Variants in FOXN3 observed in about 807,000 individuals in gnomAD.
FOXN3 encodes forkhead box protein N3.
FOXN3 carries 7 observed loss-of-function variants against 38.4 expected under a neutral mutation model. The ratio of observed to expected loss-of-function variants is 0.18; its 90% CI spans 0.10 to 0.34. The LOEUF (loss-of-function observed/expected upper bound fraction) is 0.34. Among genes scored for constraint, FOXN3 ranks in the 10% least tolerant of loss-of-function variants. The pLI is 1.00. For missense variants in FOXN3, 456 were observed against 613.4 expected (o/e 0.74, Z 2.71); for synonymous variants, 230 against 242.2 (o/e 0.95, Z 0.47).
At chr14:89,470,043 C>G (rs1893060087) in intron 1 of FOXN3, among the ~76,000 whole-genome samples, 1 of 152,240 alleles carries the variant, frequency 6.6e-6, no homozygotes, top group African/African-American at 2.4e-5. Context: ...CCAAGCTGAT[C>G]ATCATAACAC....
chr14:89,459,193 A>G (rs964274313), intron 1 of FOXN3, among the ~76,000 whole-genome samples: 3 of 152,320 alleles, frequency 2.0e-5, no homozygotes, highest in Middle Eastern at 3.4e-3. Flanking sequence ...GAAAAAAAAC[A>G]GGGCCATTTT....
intron 1 of FOXN3, among the ~76,000 whole-genome samples, chr14:89,592,591 A>C (rs1280825622): frequency 6.6e-6 from 1 of 152,230 alleles, no homozygotes; most frequent in Non-Finnish European, 1.5e-5. Context: ...ATTGCCTTTG[A>C]AATACTGAGG....
intron 1 of FOXN3, among the ~76,000 whole-genome samples, chr14:89,521,369 A>G (rs2139821775): frequency 6.6e-6 from 1 of 152,038 alleles, no homozygotes; most frequent in East Asian, 1.9e-4. Context: ...AGAGAGAGAG[A>G]GAGAGAGAGA....
intron 4 of FOXN3, among the ~76,000 whole-genome samples, chr14:89,277,257 CAAG>C (rs1445414318): frequency 6.6e-6 from 1 of 152,208 alleles, no homozygotes; most frequent in African/African-American, 2.4e-5. Flanking sequence ...CACACAGACA[CAAG>C]AAGAAGGCAC....
intron 1 of FOXN3, among the ~76,000 whole-genome samples, chr14:89,618,075 C>T (rs1896526346): frequency 6.6e-6 from 1 of 152,134 alleles, no homozygotes; most frequent in Non-Finnish European, 1.5e-5. Context: ...CCTTTTTCCT[C>T]AATGAGCCAG....
In FOXN3 at chr14:89,457,603, T is replaced by C. The variant is rs140353072; in HGVS notation, c.-14-45113A>G. On this transcript the variant is annotated intron_variant, in intron 1 of 6. Coordinates refer to the FOXN3 transcript ENST00000345097. ...ATTTCTCCTGCTTTGTGAAAAATCATGGAAATCCATCAGCCCATCTGCAGA... is the reference window on the plus strand; with the variant it reads ...ATTTCTCCTGCTTTGTGAAAAATCACGGAAATCCATCAGCCCATCTGCAGA... 1.4e-4 allele frequency among the ~76,000 whole-genome samples: 22 copies of C among 152,310 alleles called. No individual in the cohort carries two copies. In the East Asian group the frequency reaches 2.7e-3, roughly 19 times the overall value.
chr14:89,202,702 C>A (rs1888265809), intron 4 of FOXN3, among the ~76,000 whole-genome samples: 1 of 152,134 alleles, frequency 6.6e-6, no homozygotes, highest in South Asian at 2.1e-4. Flanking sequence ...CACCTCCCTC[C>A]CTTCCCCCAT....
At chr14:89,546,329 C>CTTTTTTTTTCTTTTTTTTTTTTTTTTT (rs1894880091) in intron 1 of FOXN3, among the ~76,000 whole-genome samples, 2 of 78,312 alleles carry the variant, frequency 2.6e-5, no homozygotes, top group Non-Finnish European at 4.5e-5. Flanking sequence ...TTTCCTTTTT[C>CTTTTTTTTTCTTTTTTTTTTTTTTTTT]TTTTTTTTTT....
intron 5 of FOXN3, among the ~76,000 whole-genome samples, chr14:89,168,767 C>T (rs1414349979): frequency 2.6e-5 from 4 of 152,126 alleles, no homozygotes; most frequent in Non-Finnish European, 5.9e-5. Context: ...AAAGCCAACA[C>T]GTCCCATGCG....
chr14:89,446,054 C>G (rs1190649642), intron 1 of FOXN3, among the ~76,000 whole-genome samples: 1 of 116,134 alleles, frequency 8.6e-6, no homozygotes, highest in Admixed American at 1.3e-4. Context: ...TACCACCGCA[C>G]TCTAGCCTGG....
chr14:89,585,309 T>C (rs1895820944), intron 1 of FOXN3, among the ~76,000 whole-genome samples: 1 of 152,164 alleles, frequency 6.6e-6, no homozygotes, highest in South Asian at 2.1e-4. Context: ...AGTTTGAGAG[T>C]AATGGTTTCC....
At chr14:89,577,315 A>G (rs1895652559) in intron 1 of FOXN3, 1 of 152,198 alleles carries the variant, frequency 6.6e-6, no homozygotes, top group African/African-American at 2.4e-5. Context: ...CAATCACATA[A>G]TTTTGAAAAT....
In FOXN3 at chr14:89,555,838, GGTGTGTGTGTGTGTGTGT is replaced by G. The variant is rs201016882; in HGVS notation, c.-15+63172_-15+63189del. 3.3e-5 allele frequency among the ~76,000 whole-genome samples: 3 copies of G among 89,618 alleles called. No individual in the cohort carries two copies. The Admixed American group carries it at 4.0e-4, about 12-fold the overall frequency. 58.8% of individuals were successfully genotyped at this position (89,618 alleles called of 152,430 possible). A position where few individuals can be genotyped will look rare whatever the true frequency, so the allele number is the denominator to read the frequency against. ...TCATAAAGCTTACCTTCTAGTTCATGGTGTGTGTGTGTGTGTGTGTGTGTGTGTGTGTGTGTGTATGTG... is the reference window on the plus strand; with the variant it reads ...TCATAAAGCTTACCTTCTAGTTCATGGTGTGTGTGTGTGTGTGTGTATGTG... On this transcript the variant is annotated intron_variant, in intron 1 of 6. Transcript: ENST00000345097.
chr14:89,352,261 C>G (rs1018520827), intron 2 of FOXN3, among the ~76,000 whole-genome samples: 1 of 152,208 alleles, frequency 6.6e-6, no homozygotes, highest in Non-Finnish European at 1.5e-5. Flanking sequence ...TTCAACATTC[C>G]TACGTGTTTT....
At chr14:89,405,040 C>T (rs983874028) in intron 2 of FOXN3, among the ~76,000 whole-genome samples, 3 of 152,152 alleles carry the variant, frequency 2.0e-5, no homozygotes, top group Non-Finnish European at 4.4e-5. Context: ...GGGAAATGCT[C>T]TTGATTCTGC....
chr14:89,564,385 A>G (rs1427395120), intron 1 of FOXN3, among the ~76,000 whole-genome samples: 1 of 152,184 alleles, frequency 6.6e-6, no homozygotes, highest in Admixed American at 6.5e-5. Flanking sequence ...TCGTCTCTGA[A>G]TTCTTTCTAA....
At chr14:89,316,641 A>T (rs1239436124) in intron 3 of FOXN3, among the ~76,000 whole-genome samples, 1 of 147,192 alleles carries the variant, frequency 6.8e-6, no homozygotes, top group Non-Finnish European at 1.5e-5. Context: ...GATTACAGGC[A>T]TGAGCCACTG....
In FOXN3 at chr14:89,416,997, G is replaced by A. The variant is rs1434712219; in HGVS notation, c.-141C>T. The A allele has an allele frequency of 6.9e-6, 1 of 145,982 alleles. No homozygotes were observed. The highest frequency in any genetic ancestry group is 6.8e-5 in the Admixed American group (1 of 14,712). 9.0% of individuals were successfully genotyped at this position (145,982 alleles called of 1,614,324 possible). On this transcript the variant is annotated 5_prime_UTR_variant, in exon 1 of 6. Coordinates refer to ENST00000557258, the MANE Select transcript of FOXN3 (RefSeq NM_005197.4). Reference sequence around the variant, plus strand: ...TAAGGACGCGCGGGCGCGGCGCGGCGAGCCCGGGGCGGCGGGCGGCGGGGG... The same window carrying A: ...TAAGGACGCGCGGGCGCGGCGCGGCAAGCCCGGGGCGGCGGGCGGCGGGGG...
At chr14:89,600,754 T>TA (rs1896139082) in intron 1 of FOXN3, among the ~76,000 whole-genome samples, 1 of 152,172 alleles carries the variant, frequency 6.6e-6, no homozygotes, top group Non-Finnish European at 1.5e-5. Flanking sequence ...TATATACTAT[T>TA]AATGCCCTTG....
Sources: gnomAD v4.1 joint callset for allele counts (sites outside exome capture counted in the v4.1 genomes callset) on GRCh38, gnomAD v4.1.1 for gene constraint, MANE v1.5 for transcripts, NCBI Gene and HGNC (gene_info 2026-07-23, HGNC 2026-07-21) for gene names.